The following SYNE2 variants were observed in gnomAD, a reference collection of about 807,000 sequenced individuals.
SYNE2 encodes nesprin-2.
In SYNE2, 431 loss-of-function variants were observed where a neutral mutation model predicts 856.3. The ratio of observed to expected loss-of-function variants is 0.50; its 90% CI spans 0.47 to 0.55. SYNE2 has a LOEUF of 0.55. Ranked by LOEUF, SYNE2 falls within the 20% of genes least tolerant of loss-of-function variation. The pLI is 0.00. For synonymous variants in SYNE2, 2,923 were observed against 2,872.3 expected (o/e 1.02, Z -0.56); for missense variants, 8,129 against 8,023.2 (o/e 1.01, Z -0.50).
chr14:64,224,522 C>T lies in SYNE2; in HGVS notation c.20444C>T (p.Thr6815Ile). Reference sequence around the variant, plus strand: ...GACTCGGGGGACCAGCCTCCTGCAACATCCGTGCCAGCTCCCCGAGCAAAG... The same window carrying T: ...GACTCGGGGGACCAGCCTCCTGCAATATCCGTGCCAGCTCCCCGAGCAAAG... Reference protein sequence around the residue: ...EVDSGDQPPATSVPAPRAKFR... With the variant: ...EVDSGDQPPAISVPAPRAKFR... Residue 6815 changes from threonine to isoleucine, a missense_variant, in exon 114 of 116, where the codon ACA becomes ATA. Thr to Ile is a moderately conservative substitution (Grantham distance 89). Coordinates refer to ENST00000555002, the MANE Select transcript of SYNE2 (RefSeq NM_182914.3). 1 of 1,614,156 alleles carries T rather than the reference C, an allele frequency of 6.2e-7. No homozygotes were observed. Among genetic ancestry groups the T allele is most frequent in the Non-Finnish European group, 8.5e-7 (1 of 1,180,036 alleles).
intron 2 of SYNE2, among the ~76,000 whole-genome samples, chr14:63,917,539 T>TGCACA (rs2095547077): frequency 6.6e-6 from 1 of 152,196 alleles, no homozygotes; most frequent in South Asian, 2.1e-4. Context: ...GGCACAATCT[T>TGCACA]GGCTCACTGC....
At chr14:64,020,201 G>C in intron 35 of SYNE2, 108 bp downstream of exon 35, 355 of 620,100 alleles carry the variant, frequency 5.7e-4, no homozygotes, top group East Asian at 8.1e-4. Flanking sequence ...TCTAAAAGAA[G>C]AAAAAAACGG....
intron 1 of SYNE2, among the ~76,000 whole-genome samples, chr14:63,791,225 G>A (rs1447304771): frequency 1.3e-5 from 2 of 152,138 alleles, no homozygotes; most frequent in African/African-American, 4.8e-5. Flanking sequence ...GCCTCCCAAA[G>A]TGTTAGGATT....
At chr14:64,085,077 T>C (rs1331881119) in intron 57 of SYNE2, 7 of 695,096 alleles carry the variant, frequency 1.0e-5, no homozygotes, top group Non-Finnish European at 1.8e-5. Flanking sequence ...GCCACATTTT[T>C]TTTTTTTCTT....
intron 54 of SYNE2, among the ~76,000 whole-genome samples, chr14:64,077,413 G>A (rs1217289172): frequency 6.6e-6 from 1 of 151,660 alleles, no homozygotes; most frequent in East Asian, 1.9e-4. Context: ...AATATTGACT[G>A]CAGTATGGTC....
chr14:63,877,947 G>C (rs922630792), intron 1 of SYNE2, among the ~76,000 whole-genome samples: 3 of 151,648 alleles, frequency 2.0e-5, no homozygotes, highest in African/African-American at 7.3e-5. Flanking sequence ...GAGTGCAGTA[G>C]TATCATCATG....
chr14:64,163,470 C>G lies in SYNE2; in HGVS notation c.16368C>G (p.Leu5456=), dbSNP rs1395361762. The G allele has an allele frequency of 6.2e-7, 1 of 1,614,154 alleles. No individual in the cohort carries two copies. Among genetic ancestry groups the G allele is most frequent in the Admixed American group, 1.7e-5 (1 of 60,028 alleles). The change falls in exon 89 of 116, where the codon CTC becomes CTG. Residue 5456 remains leucine, a synonymous_variant. Transcript: ENST00000555002. ...FLQNSSVLDR[L]PQPAESSTHM... ...AAAATTCCAGTGTCCTGGATCGACT[C>G]CCACAACCCGCAGAGTCCAGCACCC...
At chr14:63,834,927 C>G (rs1292847881) in intron 1 of SYNE2, among the ~76,000 whole-genome samples, 1 of 152,102 alleles carries the variant, frequency 6.6e-6, no homozygotes, top group Non-Finnish European at 1.5e-5. Flanking sequence ...CATGAGTCAC[C>G]ACGCCTGGCC....
chr14:63,958,022 A>T (rs367818337), intron 8 of SYNE2, among the ~76,000 whole-genome samples: 1 of 152,122 alleles, frequency 6.6e-6, no homozygotes, highest in Non-Finnish European at 1.5e-5. Context: ...AGCCTTGGCA[A>T]CAGAGTGAGA....
intron 2 of SYNE2, among the ~76,000 whole-genome samples, chr14:63,937,256 G>A (rs780177652): frequency 5.3e-5 from 8 of 152,182 alleles, no homozygotes; most frequent in African/African-American, 1.9e-4. Flanking sequence ...GCATTTTGCC[G>A]CAAAGGAGCA....
rs534763831 is a variant in SYNE2, at chr14:63,958,132, C to A, written c.787+3217C>A. 4.7e-4 allele frequency among the ~76,000 whole-genome samples: 71 copies of A among 152,108 alleles called. No homozygotes were observed. In the South Asian group the frequency reaches 0.015, roughly 31 times the overall value. ...GATAGTGCAGTAAATTCCCATAAAC[C>A]CTGCACCCAGTTTCCCCTATTAACA... On this transcript the variant is annotated intron_variant, in intron 8 of 115. Coordinates refer to ENST00000555002, the MANE Select transcript of SYNE2 (RefSeq NM_182914.3).
At chr14:64,150,007 C>CTTTTTTTTTTTTTTTTT (rs755126549) in intron 84 of SYNE2, among the ~76,000 whole-genome samples, 32 of 94,406 alleles carry the variant, frequency 3.4e-4, no homozygotes, top group Non-Finnish European at 4.2e-4. Context: ...TTTTTCTTTT[C>CTTTTTTTTTTTTTTTTT]TTTTTTTTTT....
chr14:63,870,335 G>A (rs1304667271), intron 1 of SYNE2, among the ~76,000 whole-genome samples: 2 of 146,496 alleles, frequency 1.4e-5, no homozygotes, highest in Non-Finnish European at 3.0e-5. Flanking sequence ...CCCAAAGTTG[G>A]CATCACTTGC....
chr14:63,962,232 A>G (rs1490804537), intron 9 of SYNE2, among the ~76,000 whole-genome samples: 1 of 151,236 alleles, frequency 6.6e-6, no homozygotes, highest in African/African-American at 2.4e-5. Flanking sequence ...ATTTTTGTAT[A>G]TTTGGTAGAG....
intron 101 of SYNE2, 140 bp downstream of exon 101, chr14:64,209,085 C>T (rs889896312): frequency 1.8e-6 from 2 of 1,124,940 alleles, no homozygotes; most frequent in African/African-American, 3.1e-5. Flanking sequence ...CAACGCTTAT[C>T]AAAGGATTTA....
chr14:64,216,471 T>G, intron 108 of SYNE2, 84 bp downstream of exon 108: 1 of 1,445,950 alleles, frequency 6.9e-7, no homozygotes, highest in East Asian at 2.3e-5. Flanking sequence ...TGGTGTAAAC[T>G]GCGTGTATTC....
In SYNE2 at chr14:64,188,910, T is replaced by C. The variant is rs1316441553; in HGVS notation, c.17871+202T>C. ...CAGAGAGATGGGAGTGTGAGACCAT[T>C]GTCAGTGGGCATGGTACCGAGGAGA... On this transcript the variant is annotated intron_variant, in intron 98 of 115. Transcript: ENST00000555002. The C allele has an allele frequency of 4.2e-5, 30 of 710,612 alleles. No individual in the cohort carries two copies. The East Asian group carries it at 8.0e-4, about 19-fold the overall frequency. The allele number at this position is 710,612 out of a possible 1,614,324, so 44.0% of individuals were successfully genotyped here.
intron 10 of SYNE2, among the ~76,000 whole-genome samples, chr14:63,966,563 T>C (rs1455315183): frequency 6.7e-6 from 1 of 150,178 alleles, no homozygotes; most frequent in African/African-American, 2.5e-5. Flanking sequence ...AGTAACTCTT[T>C]TTTTTCCCCC....
chr14:63,970,615 T>A (rs1465900307), intron 11 of SYNE2, among the ~76,000 whole-genome samples: 1 of 151,766 alleles, frequency 6.6e-6, no homozygotes, highest in East Asian at 1.9e-4. Context: ...TTTCTATCTC[T>A]GTTTCTTCCT....
Sources: allele counts gnomAD v4.1 joint callset (sites outside exome capture counted in the v4.1 genomes callset), GRCh38; gene constraint gnomAD v4.1.1; transcripts MANE v1.5; gene names NCBI Gene and HGNC (gene_info 2026-07-23, HGNC 2026-07-21).